LRRC4C: variants seen among roughly 807,000 people sequenced by gnomAD.
LRRC4C encodes leucine rich repeat containing 4C, also known as leucine-rich repeat-containing protein 4C.
In LRRC4C, 5 loss-of-function variants were observed where a neutral mutation model predicts 33.6. That is an observed-to-expected ratio of 0.15 (90% CI 0.08 to 0.31). The LOEUF (loss-of-function observed/expected upper bound fraction) is 0.31. Among genes scored for constraint, LRRC4C ranks in the 10% least tolerant of loss-of-function variants. The pLI, the probability that LRRC4C is intolerant of heterozygous loss-of-function variation, is 1.00. For missense variants in LRRC4C, 560 were observed against 796.7 expected (o/e 0.70, Z 3.58); for synonymous variants, 329 against 302.0 (o/e 1.09, Z -0.93).
At chr11:41,178,899 C>T (rs1292693970) in intron 1 of LRRC4C, among the ~76,000 whole-genome samples, 2 of 152,154 alleles carry the variant, frequency 1.3e-5, no homozygotes, top group African/African-American at 4.8e-5. Context: ...GACAGGGTTT[C>T]ACCATCTTGG....
chr11:40,689,512 T>C (rs1945124945), intron 2 of LRRC4C, among the ~76,000 whole-genome samples: 1 of 152,122 alleles, frequency 6.6e-6, no homozygotes, highest in South Asian at 2.1e-4. Flanking sequence ...AGTATTAATA[T>C]TTATAACAAT....
At chr11:40,374,705 C>G (rs921773779) in intron 3 of LRRC4C, among the ~76,000 whole-genome samples, 3 of 152,110 alleles carry the variant, frequency 2.0e-5, no homozygotes, top group Non-Finnish European at 4.4e-5. Flanking sequence ...AGGAAATGCA[C>G]TAATTCTAAC....
intron 6 of LRRC4C, 49 bp from the exon 7 acceptor site, chr11:40,116,383 A>G: frequency 6.7e-7 from 1 of 1,501,094 alleles, no homozygotes; most frequent in South Asian, 1.4e-5. Context: ...GATTTATTCT[A>G]AGTGTCTTTC....
At chr11:40,423,639 C>T (rs940106973) in intron 3 of LRRC4C, among the ~76,000 whole-genome samples, 1 of 152,108 alleles carries the variant, frequency 6.6e-6, no homozygotes, top group Non-Finnish European at 1.5e-5. Flanking sequence ...CCACCGCGTC[C>T]GGCTGTTCAT....
At chr11:40,854,296 T>C (rs538101616) in intron 2 of LRRC4C, among the ~76,000 whole-genome samples, 43 of 152,286 alleles carry the variant, frequency 2.8e-4, no homozygotes, top group African/African-American at 1.0e-3. Flanking sequence ...CTTGTAACAC[T>C]TTGCCAAACA....
intron 2 of LRRC4C, among the ~76,000 whole-genome samples, chr11:40,886,883 ATG>A (rs144561789): frequency 0.017 from 2,489 of 148,964 alleles, 25 homozygotes; most frequent in African/African-American, 0.021. Flanking sequence ...ATGTTTATAT[ATG>A]TGTGTGTGTG....
At chr11:41,005,640 C>T (rs936902944) in intron 1 of LRRC4C, among the ~76,000 whole-genome samples, 7 of 151,982 alleles carry the variant, frequency 4.6e-5, no homozygotes, top group Non-Finnish European at 7.4e-5. Context: ...CTGCCCCTGG[C>T]GCCTCTCACT....
intron 3 of LRRC4C, among the ~76,000 whole-genome samples, chr11:40,565,625 C>A (rs1229694239): frequency 6.6e-6 from 1 of 152,160 alleles, no homozygotes; most frequent in Non-Finnish European, 1.5e-5. Flanking sequence ...ACATCCAATT[C>A]CTCACCCAAA....
At chr11:40,193,700 G>A (rs968601585) in intron 5 of LRRC4C, among the ~76,000 whole-genome samples, 9 of 152,124 alleles carry the variant, frequency 5.9e-5, no homozygotes, top group Non-Finnish European at 1.2e-4. Context: ...GGGAAGCTAA[G>A]AACCTTGATA....
At chr11:40,530,554 A>G (rs1032238224) in intron 3 of LRRC4C, among the ~76,000 whole-genome samples, 1 of 152,142 alleles carries the variant, frequency 6.6e-6, no homozygotes, top group African/African-American at 2.4e-5. Flanking sequence ...TGCTCAGAGG[A>G]CCCTCAGTAA....
chr11:41,047,924 T>C (rs1400234225), intron 1 of LRRC4C, among the ~76,000 whole-genome samples: 1 of 152,134 alleles, frequency 6.6e-6, no homozygotes, highest in Non-Finnish European at 1.5e-5. Flanking sequence ...ATATAGCTAA[T>C]AACCCCATCT....
chr11:40,667,728 T>C (rs1943888761), intron 2 of LRRC4C, among the ~76,000 whole-genome samples: 1 of 152,154 alleles, frequency 6.6e-6, no homozygotes, highest in African/African-American at 2.4e-5. Flanking sequence ...CTCAGTCCTA[T>C]AACTGCAAGA....
chr11:41,061,605 C>A (rs976888847), intron 1 of LRRC4C, among the ~76,000 whole-genome samples: 1 of 152,144 alleles, frequency 6.6e-6, no homozygotes, highest in African/African-American at 2.4e-5. Flanking sequence ...TTTCTTAAAT[C>A]TTTCTAAATC....
chr11:40,458,951 TA>T (rs148732370), intron 3 of LRRC4C, among the ~76,000 whole-genome samples: 1 of 151,934 alleles, frequency 6.6e-6, no homozygotes, highest in East Asian at 1.9e-4. Flanking sequence ...AGGAGGAAGA[TA>T]AAAAAAGCCT....
intron 4 of LRRC4C, among the ~76,000 whole-genome samples, chr11:40,265,944 T>G (rs1285381106): frequency 1.3e-5 from 2 of 152,178 alleles, no homozygotes; most frequent in Non-Finnish European, 2.9e-5. Flanking sequence ...ATTTGTAGAA[T>G]GGTTAATATA....
chr11:40,182,597 C>T (rs568791118), intron 5 of LRRC4C, among the ~76,000 whole-genome samples: 75 of 152,034 alleles, frequency 4.9e-4, no homozygotes, highest in Non-Finnish European at 6.2e-4. Context: ...AAATGTTCAA[C>T]GGCAATATTT....
At chr11:41,298,084 G>C (rs537819170) in intron 1 of LRRC4C, among the ~76,000 whole-genome samples, 1 of 152,232 alleles carries the variant, frequency 6.6e-6, no homozygotes, top group East Asian at 1.9e-4. Context: ...AATAAATGTG[G>C]TACTAGTTAT....
At chr11:40,705,955 A>G (rs1472534036) in intron 2 of LRRC4C, among the ~76,000 whole-genome samples, 4 of 152,202 alleles carry the variant, frequency 2.6e-5, no homozygotes, top group African/African-American at 9.7e-5. Flanking sequence ...TCTGATGACC[A>G]GTGATGATGA....
intron 2 of LRRC4C, among the ~76,000 whole-genome samples, chr11:40,757,691 C>T (rs1345299350): frequency 6.7e-6 from 1 of 150,372 alleles, no homozygotes; most frequent in African/African-American, 2.4e-5. Flanking sequence ...TTGTTGCTTA[C>T]AATGACTAGG....
Sources: allele counts gnomAD v4.1 joint callset (sites outside exome capture counted in the v4.1 genomes callset), GRCh38; gene constraint gnomAD v4.1.1; transcripts MANE v1.5; gene names NCBI Gene and HGNC (gene_info 2026-07-23, HGNC 2026-07-21).